LHPP: variants seen among roughly 807,000 people sequenced by gnomAD.
The protein encoded by LHPP is hLHPP.
A neutral mutation model predicts 30.3 loss-of-function variants in LHPP; 24 were observed. The ratio of observed to expected loss-of-function variants is 0.79; its 90% CI spans 0.57 to 1.11. LHPP has a LOEUF of 1.11. Among genes scored for constraint, LHPP ranks in the 50% most tolerant of loss-of-function variants. LHPP has a pLI of 0.00. For missense variants in LHPP, 356 were observed against 367.2 expected, an observed-to-expected ratio of 0.97 and a Z score of 0.25; for synonymous variants, 150 against 157.1, an observed-to-expected ratio of 0.95 and a Z score of 0.34.
chr10:124,598,029 A>G (rs1476572861), intron 6 of LHPP, among the ~76,000 whole-genome samples: 4 of 152,090 alleles, frequency 2.6e-5, no homozygotes, highest in Non-Finnish European at 5.9e-5. Flanking sequence ...GGCTGCAAGC[A>G]TATCCAAGTG....
At chr10:124,543,225 C>G (rs1955244531) in intron 6 of LHPP, among the ~76,000 whole-genome samples, 1 of 152,238 alleles carries the variant, frequency 6.6e-6, no homozygotes, top group Admixed American at 6.5e-5. Context: ...CTGCTCCTTC[C>G]TGTATGGCCC....
rs759284915 is a variant in LHPP at position 124,593,320 on chromosome 10, GAA to G, written c.717-19942_717-19941del. On this transcript the variant is annotated intron_variant, in intron 6 of 6. Coordinates refer to ENST00000368842, the MANE Select transcript of LHPP (RefSeq NM_022126.4). The surrounding 1 kb of genome is among the most constrained non-coding windows in gnomAD (Gnocchi z 4.9). ...AGAACCAGGCTGCGCTCTCGGGAGG[GAA>G]ACAGACTCTTATCCTCTTAGGTACA... Among the ~76,000 whole-genome samples, 1 of 150,204 alleles carries G rather than the reference GAA, an allele frequency of 6.7e-6. No individual in the cohort carries two copies. The highest frequency in any genetic ancestry group is 1.5e-5 in the Non-Finnish European group (1 of 67,214).
intron 1 of LHPP, among the ~76,000 whole-genome samples, chr10:124,475,456 A>G (rs1461017529): frequency 1.3e-5 from 2 of 151,866 alleles, no homozygotes; most frequent in East Asian, 3.9e-4. Context: ...CAGGAGGATC[A>G]CTTGAACCTG....
At chr10:124,581,665 T>C (rs539277716) in intron 6 of LHPP, among the ~76,000 whole-genome samples, 6 of 152,364 alleles carry the variant, frequency 3.9e-5, no homozygotes, top group African/African-American at 1.2e-4. Context: ...TGACTAGTGA[T>C]GTCAGGCATC....
At chr10:124,493,773 C>T (rs568862789) in intron 3 of LHPP, 253 of 152,244 alleles carry the variant, frequency 1.7e-3, no homozygotes, top group African/African-American at 5.9e-3. Flanking sequence ...GTGGGGCTGC[C>T]GTTGGCTGGG....
chr10:124,533,409 G>A lies in LHPP; in HGVS notation c.716+16138G>A, dbSNP rs1263000222. Among the ~76,000 whole-genome samples, 9 of 152,282 alleles carry A rather than the reference G, an allele frequency of 5.9e-5. No homozygotes were observed. The South Asian group carries it at 1.2e-3, about 21-fold the overall frequency. ...ATGTCACCCAAAAGTTTGTGTCCTCGGATGGGGAGGGGAGAGCGTCTGCCC... is the reference window on the plus strand; with the variant it reads ...ATGTCACCCAAAAGTTTGTGTCCTCAGATGGGGAGGGGAGAGCGTCTGCCC... On this transcript the variant is annotated intron_variant, in intron 6 of 6. Coordinates refer to ENST00000368842, the MANE Select transcript of LHPP (RefSeq NM_022126.4).
intron 6 of LHPP, among the ~76,000 whole-genome samples, chr10:124,582,843 C>A (rs7923489): frequency 0.53 from 64,056 of 120,260 alleles, 14,445 homozygotes; most frequent in African/African-American, 0.67. Flanking sequence ...TGTCTCTATT[C>A]AAAAAAAAAA....
intron 6 of LHPP, among the ~76,000 whole-genome samples, chr10:124,595,764 C>T (rs1488270071): frequency 1.3e-5 from 2 of 152,194 alleles, no homozygotes; most frequent in Non-Finnish European, 2.9e-5. Flanking sequence ...ACTGTGTGCC[C>T]TTCTAGGCTA....
rs566874800 is a variant in LHPP, at chr10:124,517,184, T to G, written c.629T>G (p.Val210Gly). ...CGTATTTCACTGCCGTGACAGGCCGTCATGATTGGGGACGATATCGTGGGC... is the reference window on the plus strand; with the variant it reads ...CGTATTTCACTGCCGTGACAGGCCGGCATGATTGGGGACGATATCGTGGGC... ...QAIGVEAHQA[V>G]MIGDDIVGDV... is the part of the protein sequence containing the mutation. Residue 210 changes from valine (V) to glycine (G), a missense_variant, in exon 6 of 7, where the codon GTC becomes GGC. Transcript: ENST00000368842. This position sits in a 1 kb window ranked among gnomAD's most constrained non-coding sequence, Gnocchi z 4.1. 9 of 1,602,686 alleles carry G rather than the reference T, an allele frequency of 5.6e-6. No homozygotes were observed. Among genetic ancestry groups the G allele is most frequent in the Middle Eastern group, 3.3e-4 (2 of 6,032 alleles).
At chr10:124,574,962 C>T (rs557794220) in intron 6 of LHPP, among the ~76,000 whole-genome samples, 4 of 152,138 alleles carry the variant, frequency 2.6e-5, no homozygotes, top group Admixed American at 2.0e-4. Context: ...TGCCTCCTGC[C>T]GGGCCCTCCC....
rs1347294507 is a variant in LHPP at position 124,496,203 on chromosome 10, T to C, written c.468-758T>C. Among the ~76,000 whole-genome samples, 3 of 152,230 alleles carry C rather than the reference T, an allele frequency of 2.0e-5. No individual in the cohort carries two copies. The highest frequency in any genetic ancestry group is 7.2e-5 in the African/African-American group (3 of 41,470). ...CACTTTCTCGCCTCATTGTAGTCAA[T>C]TGGCTTAGTTCAGCCAGAGCCAGGT... On this transcript the variant is annotated intron_variant, in intron 3 of 6. Coordinates refer to ENST00000368842, the MANE Select transcript of LHPP (RefSeq NM_022126.4). The surrounding 1 kb of genome is among the most constrained non-coding windows in gnomAD (Gnocchi z 4.3).
intron 6 of LHPP, among the ~76,000 whole-genome samples, chr10:124,554,489 C>T (rs765121736): frequency 2.0e-5 from 3 of 152,258 alleles, no homozygotes; most frequent in African/African-American, 7.2e-5. Context: ...AGCCACTACA[C>T]CCGGCCTGGA....
chr10:124,509,300 G>A lies in LHPP; in HGVS notation c.625-7880G>A, dbSNP rs375896703. Among the ~76,000 whole-genome samples, 16 of 152,174 alleles carry A rather than the reference G, an allele frequency of 1.1e-4. 1 individual carries two copies. Among genetic ancestry groups the A allele is most frequent in the East Asian group, 5.8e-4 (3 of 5,202 alleles). On this transcript the variant is annotated intron_variant, in intron 5 of 6. Transcript: ENST00000368842. The stretch of plus-strand genomic sequence containing the variant: ...ATACTATTCCACTGTTCAGACTCCC[G>A]TCATATTCTTGACCATTTCCTATTG...
intron 6 of LHPP, among the ~76,000 whole-genome samples, chr10:124,603,669 GC>G (rs1949056569): frequency 6.6e-6 from 1 of 152,218 alleles, no homozygotes; most frequent in Non-Finnish European, 1.5e-5. Context: ...GAGCCTCCTC[GC>G]GGCCCTCGCC....
intron 5 of LHPP, among the ~76,000 whole-genome samples, chr10:124,512,616 C>CA (rs34808470): frequency 0.29 from 15,720 of 53,464 alleles, 2,457 homozygotes; most frequent in South Asian, 0.4. Context: ...GACTCCGTCT[C>CA]AAAAAAAAAA....
At chr10:124,547,638 C>T (rs954016360) in intron 6 of LHPP, among the ~76,000 whole-genome samples, 5 of 152,232 alleles carry the variant, frequency 3.3e-5, no homozygotes, top group Admixed American at 6.5e-5. Context: ...TGCCTGAAAG[C>T]GGAGGAATTC....
chr10:124,563,547 C>T (rs1386102154), intron 6 of LHPP, among the ~76,000 whole-genome samples: 1 of 151,914 alleles, frequency 6.6e-6, no homozygotes, highest in Non-Finnish European at 1.5e-5. Flanking sequence ...TAAAGAGCAG[C>T]CTGAGGGGTC....
chr10:124,518,595 C>T (rs1954524763), intron 6 of LHPP, among the ~76,000 whole-genome samples: 1 of 152,250 alleles, frequency 6.6e-6, no homozygotes, highest in Admixed American at 6.5e-5. Context: ...CTTGGGAGCA[C>T]AGCGGTGTGG....
intron 6 of LHPP, among the ~76,000 whole-genome samples, chr10:124,567,914 TTTC>T (rs1434705900): frequency 6.6e-6 from 1 of 152,166 alleles, no homozygotes; most frequent in Non-Finnish European, 1.5e-5. Context: ...ACGGTTCTTT[TTTC>T]TTTCTTTCCT....
Sources: allele counts gnomAD v4.1 joint callset (sites outside exome capture counted in the v4.1 genomes callset), GRCh38; gene constraint gnomAD v4.1.1; non-coding constraint Gnocchi (gnomAD v3.1); transcripts MANE v1.5; gene names NCBI Gene and HGNC (gene_info 2026-07-23, HGNC 2026-07-21).